Variants in PPARGC1A observed in about 807,000 individuals in gnomAD.
PPARGC1A encodes peroxisome proliferator-activated receptor gamma coactivator 1-alpha.
PPARGC1A carries 25 observed loss-of-function variants against 88.7 expected under a neutral mutation model. The ratio of observed to expected loss-of-function variants is 0.28; its 90% confidence interval spans 0.21 to 0.39. The LOEUF (loss-of-function observed/expected upper bound fraction) is 0.39, where lower values mean the gene tolerates loss of function less well. Ranked by LOEUF, PPARGC1A falls within the 10% of genes least tolerant of loss-of-function variation. The probability of loss-of-function intolerance (pLI) is 1.00; values close to 1 mark genes in which losing one functional copy is unlikely to be tolerated. For synonymous variants in PPARGC1A, 363 were observed against 355.6 expected (o/e 1.02, Z -0.24); for missense variants, 880 against 968.7 (o/e 0.91, Z 1.22).
chr4:24,287,426 C>G, the PPARGC1A span, among the ~76,000 whole-genome samples: 5 of 152,060 alleles, frequency 3.3e-5, no homozygotes, highest in African/African-American at 1.2e-4. Flanking sequence ...AATATTGACC[C>G]TTTGGTTATT....
chr4:24,120,390 A>G, the PPARGC1A span, among the ~76,000 whole-genome samples: 6,690 of 152,292 alleles, frequency 0.044, 418 homozygotes, highest in African/African-American at 0.13. Flanking sequence ...AGACAATGGC[A>G]TGATATTCAT....
chr4:24,099,834 A>C, the PPARGC1A span, among the ~76,000 whole-genome samples: 2 of 151,972 alleles, frequency 1.3e-5, no homozygotes, highest in Non-Finnish European at 2.9e-5. Flanking sequence ...GAGAGAATTA[A>C]GAAGGCAATT....
At chr4:23,868,136 C>T (rs1022127826) in intron 2 of PPARGC1A, among the ~76,000 whole-genome samples, 11 of 152,142 alleles carry the variant, frequency 7.2e-5, no homozygotes, top group Non-Finnish European at 1.2e-4. Context: ...TTCCTCTTCT[C>T]GGGGAGAGAA....
At chr4:24,285,572 G>A in the PPARGC1A span, among the ~76,000 whole-genome samples, 1 of 152,188 alleles carries the variant, frequency 6.6e-6, no homozygotes, top group Non-Finnish European at 1.5e-5. Context: ...GCTTCAGAGA[G>A]GTTAAATGAC....
chr4:24,377,945 T>A, the PPARGC1A span, among the ~76,000 whole-genome samples: 1 of 152,346 alleles, frequency 6.6e-6, no homozygotes, highest in Non-Finnish European at 1.5e-5. Context: ...GAATGTACAA[T>A]CTTTCTTTGA....
the PPARGC1A span, among the ~76,000 whole-genome samples, chr4:24,096,283 GTCAATTAAACCTC>G: frequency 6.6e-6 from 1 of 152,178 alleles, no homozygotes; most frequent in East Asian, 1.9e-4. Context: ...ATAACTGAGA[GTCAATTAAACCTC>G]TTTTCTTCAT....
chr4:24,236,696 A>G, the PPARGC1A span, among the ~76,000 whole-genome samples: 14 of 152,176 alleles, frequency 9.2e-5, no homozygotes, highest in Admixed American at 2.0e-4. Context: ...ATCCTGCCCC[A>G]TCTGCAAACA....
the PPARGC1A span, among the ~76,000 whole-genome samples, chr4:23,924,039 A>T: frequency 6.6e-6 from 1 of 152,190 alleles, no homozygotes; most frequent in Non-Finnish European, 1.5e-5. Context: ...ATGCTGGCTC[A>T]GCCCTGGCCT....
At chr4:24,172,553 G>T in the PPARGC1A span, among the ~76,000 whole-genome samples, 4 of 152,168 alleles carry the variant, frequency 2.6e-5, no homozygotes, top group African/African-American at 7.2e-5. Flanking sequence ...TAGAGGGCTT[G>T]CCCACAAATC....
At chr4:23,985,282 A>C in the PPARGC1A span, among the ~76,000 whole-genome samples, 8 of 152,186 alleles carry the variant, frequency 5.3e-5, no homozygotes, top group South Asian at 1.7e-3. Flanking sequence ...CAGACTGCAG[A>C]ATTCACTTCT....
intron 12 of PPARGC1A, among the ~76,000 whole-genome samples, chr4:23,796,909 G>T (rs1300534406): frequency 6.6e-6 from 1 of 151,658 alleles, no homozygotes; most frequent in African/African-American, 2.4e-5. Flanking sequence ...AATCGAAATG[G>T]TCAAAGTAAT....
chr4:24,347,758 T>A, the PPARGC1A span, among the ~76,000 whole-genome samples: 435 of 152,328 alleles, frequency 2.9e-3, 18 homozygotes, highest in East Asian at 0.065. Flanking sequence ...TTATATTCAA[T>A]GTTAGTATTG....
chr4:23,857,277 A>C (rs1485194487), intron 2 of PPARGC1A, among the ~76,000 whole-genome samples: 1 of 151,046 alleles, frequency 6.6e-6, no homozygotes, highest in East Asian at 2.0e-4. Context: ...AATGCCAAAG[A>C]GATGCAGAAA....
At chr4:24,143,700 T>G in the PPARGC1A span, among the ~76,000 whole-genome samples, 1 of 152,366 alleles carries the variant, frequency 6.6e-6, no homozygotes, top group Middle Eastern at 3.4e-3. Context: ...TTTTGATCAC[T>G]TTTTTATTAA....
the PPARGC1A span, among the ~76,000 whole-genome samples, chr4:24,341,559 A>G: frequency 2.6e-5 from 4 of 152,224 alleles, no homozygotes; most frequent in Admixed American, 2.0e-4. Flanking sequence ...AGTTAAGGAT[A>G]CTTTAAGAAA....
the PPARGC1A span, among the ~76,000 whole-genome samples, chr4:24,102,351 G>A: frequency 3.3e-5 from 5 of 152,066 alleles, no homozygotes; most frequent in South Asian, 2.1e-4. Flanking sequence ...ACACAACAGT[G>A]ATGTCCACAC....
chr4:24,185,898 T>TA, the PPARGC1A span, among the ~76,000 whole-genome samples: 1 of 149,466 alleles, frequency 6.7e-6, no homozygotes, highest in African/African-American at 2.5e-5. Context: ...CCCTAAAACT[T>TA]AGAGTATAAT....
chr4:24,404,609 G>A, the PPARGC1A span, among the ~76,000 whole-genome samples: 7 of 152,174 alleles, frequency 4.6e-5, no homozygotes, highest in East Asian at 1.4e-3. Context: ...CAGCAGAGGG[G>A]GCAACTCAAG....
chr4:24,337,355 G>A, the PPARGC1A span, among the ~76,000 whole-genome samples: 12 of 152,288 alleles, frequency 7.9e-5, no homozygotes, highest in East Asian at 1.9e-4. Context: ...GAACAGCTAC[G>A]GAGTAGTTAT....
Sources: gnomAD v4.1 joint callset for allele counts (sites outside exome capture counted in the v4.1 genomes callset) on GRCh38, gnomAD v4.1.1 for gene constraint, MANE v1.5 for transcripts, NCBI Gene and HGNC (gene_info 2026-07-23, HGNC 2026-07-21) for gene names.